The following XKR4 variants were observed in gnomAD, a reference collection of about 807,000 sequenced individuals.
XKR4 encodes the protein XK-related protein 4.
Under a neutral mutation model 53.9 loss-of-function variants are expected in XKR4, and 12 were observed. The ratio of observed to expected loss-of-function variants is 0.22; its 90% confidence interval spans 0.14 to 0.36. The LOEUF (loss-of-function observed/expected upper bound fraction) is 0.36. XKR4 is among the 10% of genes least tolerant of loss of function. XKR4 has a pLI of 1.00. For missense variants in XKR4, 799 were observed against 859.5 expected (o/e 0.93, Z 0.88); for synonymous variants, 354 against 362.4 (o/e 0.98, Z 0.26).
intron 2 of XKR4, among the ~76,000 whole-genome samples, chr8:55,389,685 T>G (rs1235360426): frequency 3.3e-5 from 5 of 152,346 alleles, no homozygotes; most frequent in Admixed American, 6.5e-5. Flanking sequence ...CATTTACTCA[T>G]TTAACAAATA....
chr8:55,256,738 C>T (rs1158119843), intron 1 of XKR4, among the ~76,000 whole-genome samples: 1 of 152,168 alleles, frequency 6.6e-6, no homozygotes, highest in Non-Finnish European at 1.5e-5. Context: ...AATAGAGTCT[C>T]AGTCAGGTCA....
At chr8:55,316,737 G>C (rs1051824054) in intron 1 of XKR4, among the ~76,000 whole-genome samples, 1 of 151,932 alleles carries the variant, frequency 6.6e-6, no homozygotes, top group South Asian at 2.1e-4. Context: ...TCCTTCCTCC[G>C]ATCCACTCCA....
intron 1 of XKR4, among the ~76,000 whole-genome samples, chr8:55,146,400 C>T (rs1042662744): frequency 6.6e-6 from 1 of 152,106 alleles, no homozygotes; most frequent in Non-Finnish European, 1.5e-5. Context: ...AATTAGTTTC[C>T]ACCATGACAA....
intron 1 of XKR4, among the ~76,000 whole-genome samples, chr8:55,156,404 G>C (rs965029075): frequency 1.5e-5 from 2 of 136,298 alleles, no homozygotes; most frequent in Admixed American, 7.8e-5. Flanking sequence ...TAGTCACGGC[G>C]TAAGATGGCG....
chr8:55,474,652 TC>T (rs994006483), intron 2 of XKR4, among the ~76,000 whole-genome samples: 1 of 152,134 alleles, frequency 6.6e-6, no homozygotes, highest in African/African-American at 2.4e-5. Context: ...ATGCTGAGTA[TC>T]CATCTCCCCT....
At chr8:55,140,517 G>T (rs549869176) in intron 1 of XKR4, among the ~76,000 whole-genome samples, 8 of 152,358 alleles carry the variant, frequency 5.3e-5, no homozygotes, top group African/African-American at 1.9e-4. Flanking sequence ...AGTTCCCCAG[G>T]CTCTTACCAA....
chr8:55,489,046 T>C (rs995909816), intron 2 of XKR4, among the ~76,000 whole-genome samples: 5 of 152,194 alleles, frequency 3.3e-5, no homozygotes, highest in African/African-American at 7.2e-5. Flanking sequence ...AAAACCACTC[T>C]GTATGATACT....
At chr8:55,397,864 G>A (rs935390145) in intron 2 of XKR4, among the ~76,000 whole-genome samples, 1 of 152,140 alleles carries the variant, frequency 6.6e-6, no homozygotes. Context: ...GGGCTACTCA[G>A]TGGGAGCCTG....
At position 55,163,662 on chromosome 8, in the gene XKR4, A is replaced by G. The variant is rs574459928; in HGVS notation, c.806+60368A>G. On this transcript the variant is annotated intron_variant, in intron 1 of 2. Coordinates refer to ENST00000327381, the MANE Select transcript of XKR4 (RefSeq NM_052898.2). ...GGAGTTCAAGACCAGACTGGCCAAC[A>G]TGATGAAACCCTGTCTCTACAAAAA... Among the ~76,000 whole-genome samples, 41 of 152,308 alleles carry G rather than the reference A, an allele frequency of 2.7e-4. No individual in the cohort carries two copies. In the East Asian group the frequency reaches 7.7e-3, roughly 29 times the overall value.
intron 1 of XKR4, among the ~76,000 whole-genome samples, chr8:55,128,548 G>A (rs913699989): frequency 7.9e-5 from 12 of 152,320 alleles, no homozygotes; most frequent in South Asian, 6.2e-4. Context: ...AGCCTTCAAA[G>A]TCAGTATTCA....
intron 1 of XKR4, among the ~76,000 whole-genome samples, chr8:55,150,149 G>A (rs1440640658): frequency 6.6e-6 from 1 of 152,142 alleles, no homozygotes; most frequent in East Asian, 1.9e-4. Context: ...CATTTCATGG[G>A]TTATTTGCTA....
chr8:55,480,122 C>T (rs940630404), intron 2 of XKR4, among the ~76,000 whole-genome samples: 4 of 152,180 alleles, frequency 2.6e-5, no homozygotes, highest in Non-Finnish European at 5.9e-5. Flanking sequence ...AGACCAATAT[C>T]CTTGATGAAC....
chr8:55,357,265 A>T (rs1803809700), intron 1 of XKR4, among the ~76,000 whole-genome samples: 1 of 152,230 alleles, frequency 6.6e-6, no homozygotes, highest in Non-Finnish European at 1.5e-5. Context: ...AAGAAGGTTT[A>T]TATGCACATA....
rs191936924 is a variant in XKR4 at position 55,449,384 on chromosome 8, G to A, written c.1007-73897G>A. ...GACTAGGGCTGTACACACAAGTGCT[G>A]GGGGCTCGGGGCCTCACTACTGCCG... On this transcript the variant is annotated intron_variant, in intron 2 of 2. Coordinates refer to ENST00000327381, the MANE Select transcript of XKR4 (RefSeq NM_052898.2). The A allele has an allele frequency of 4.1e-5, 25 of 612,996 alleles. No homozygotes were observed. The African/African-American group carries it at 4.6e-4, about 11-fold the overall frequency. 38.0% of individuals were successfully genotyped at this position (612,996 alleles called of 1,614,324 possible). A position where few individuals can be genotyped will look rare whatever the true frequency, so the allele number is the denominator to read the frequency against.
At chr8:55,159,136 G>T (rs1218768788) in intron 1 of XKR4, among the ~76,000 whole-genome samples, 1 of 152,056 alleles carries the variant, frequency 6.6e-6, no homozygotes, top group Non-Finnish European at 1.5e-5. Context: ...ATTTGTTTGT[G>T]TCACCTCTGA....
rs367829570 is a variant in XKR4, at chr8:55,364,635, G to GT, written c.1006+6766dup. Among the ~76,000 whole-genome samples the GT allele has an allele frequency of 4.8e-3, 721 of 151,718 alleles. 3 individuals are homozygous for GT. The highest frequency in any genetic ancestry group is 5.9e-3 in the Non-Finnish European group (398 of 67,866). Reference sequence around the variant, plus strand: ...TTTTGTTTTGTTTTGTTTTGTTGGGGTTTTTTTTGTTTTCTGAGACAGAGT... The same window carrying GT: ...TTTTGTTTTGTTTTGTTTTGTTGGGGTTTTTTTTTGTTTTCTGAGACAGAGT... On this transcript the variant is annotated intron_variant, in intron 2 of 2. Transcript: ENST00000327381.
intron 1 of XKR4, among the ~76,000 whole-genome samples, chr8:55,316,960 A>G (rs1488543282): frequency 6.6e-6 from 1 of 152,238 alleles, no homozygotes; most frequent in East Asian, 1.9e-4. Flanking sequence ...GGGACTTTTA[A>G]TTAAAAGGAA....
At chr8:55,249,481 T>C (rs922962892) in intron 1 of XKR4, among the ~76,000 whole-genome samples, 5 of 152,202 alleles carry the variant, frequency 3.3e-5, no homozygotes, top group African/African-American at 1.2e-4. Context: ...GTCCACCCAA[T>C]GGGTTGACTC....
chr8:55,467,387 C>T (rs1247306603), intron 2 of XKR4, among the ~76,000 whole-genome samples: 1 of 152,074 alleles, frequency 6.6e-6, no homozygotes, highest in Admixed American at 6.6e-5. Flanking sequence ...ATCTCTTAAC[C>T]TTTGCCATAT....
Sources: gnomAD v4.1 joint callset for allele counts (sites outside exome capture counted in the v4.1 genomes callset) on GRCh38, gnomAD v4.1.1 for gene constraint, MANE v1.5 for transcripts, NCBI Gene and HGNC (gene_info 2026-07-23, HGNC 2026-07-21) for gene names.